NELL1: variants seen among roughly 807,000 people sequenced by gnomAD.
NELL1 encodes the protein neural EGFL like 1, also known as protein kinase C-binding protein NELL1.
NELL1 carries 76 observed loss-of-function variants against 107.4 expected under a neutral mutation model. The observed-to-expected ratio is 0.71, with a 90% confidence interval of 0.59 to 0.86. NELL1 has a LOEUF of 0.86. Among genes scored for constraint, NELL1 ranks in the 40% least tolerant of loss-of-function variants. The pLI is 0.00. For missense variants in NELL1, 1,024 were observed against 1,005.5 expected (o/e 1.02, Z -0.25); for synonymous variants, 353 against 341.2 (o/e 1.03, Z -0.38).
chr11:21,428,438 G>C (rs1273482598), intron 15 of NELL1, among the ~76,000 whole-genome samples: 1 of 152,088 alleles, frequency 6.6e-6, no homozygotes, highest in Non-Finnish European at 1.5e-5. Context: ...AGTTATTATT[G>C]TTACTTTTAT....
chr11:21,461,288 C>T (rs1853894398), intron 15 of NELL1, among the ~76,000 whole-genome samples: 1 of 152,034 alleles, frequency 6.6e-6, no homozygotes, highest in Non-Finnish European at 1.5e-5. Context: ...TTTGGACCCA[C>T]CACTTATTAG....
At chr11:20,987,054 C>T (rs935677258) in intron 12 of NELL1, among the ~76,000 whole-genome samples, 1 of 152,136 alleles carries the variant, frequency 6.6e-6, no homozygotes, top group East Asian at 1.9e-4. Context: ...TGGTACACCC[C>T]TGGCATATGG....
At chr11:21,242,145 T>A (rs1252334440) in intron 14 of NELL1, among the ~76,000 whole-genome samples, 2 of 152,026 alleles carry the variant, frequency 1.3e-5, no homozygotes, top group Non-Finnish European at 2.9e-5. Flanking sequence ...TAAAGATAAG[T>A]AAATGATGGT....
intron 12 of NELL1, among the ~76,000 whole-genome samples, chr11:21,098,875 G>A (rs1035188396): frequency 1.3e-5 from 2 of 151,876 alleles, no homozygotes; most frequent in African/African-American, 4.8e-5. Flanking sequence ...TCTAAAATTT[G>A]TTTGTAACTC....
At chr11:20,923,086 C>A (rs926124722) in intron 7 of NELL1, among the ~76,000 whole-genome samples, 20 of 152,048 alleles carry the variant, frequency 1.3e-4, no homozygotes, top group African/African-American at 4.3e-4. Flanking sequence ...CTGTCAAGAC[C>A]CTAGTCTAGG....
chr11:20,788,533 C>T (rs1364649420), intron 3 of NELL1, among the ~76,000 whole-genome samples: 1 of 151,742 alleles, frequency 6.6e-6, no homozygotes, highest in Non-Finnish European at 1.5e-5. Flanking sequence ...AATTTGCCCA[C>T]ATTTAATTGG....
At chr11:20,725,492 T>C (rs2133914760) in intron 2 of NELL1, among the ~76,000 whole-genome samples, 2 of 152,218 alleles carry the variant, frequency 1.3e-5, no homozygotes, top group Middle Eastern at 6.8e-3. Flanking sequence ...TGGATCACCG[T>C]GGGAATTGTG....
intron 16 of NELL1, among the ~76,000 whole-genome samples, chr11:21,543,284 T>C (rs1002440467): frequency 6.6e-6 from 1 of 152,094 alleles, no homozygotes; most frequent in Non-Finnish European, 1.5e-5. Context: ...TACTAAATTC[T>C]GTATTATTGA....
intron 13 of NELL1, among the ~76,000 whole-genome samples, chr11:21,166,223 G>T (rs1407759288): frequency 2.6e-5 from 4 of 151,638 alleles, no homozygotes; most frequent in Non-Finnish European, 2.9e-5. Context: ...GGATACCAGG[G>T]GCTGGGAAGG....
intron 12 of NELL1, among the ~76,000 whole-genome samples, chr11:20,968,008 C>T (rs1851420431): frequency 6.6e-6 from 1 of 152,114 alleles, no homozygotes; most frequent in Non-Finnish European, 1.5e-5. Context: ...CCTGGGAGGC[C>T]CTTCACTCAG....
chr11:21,184,507 T>G (rs1000489024), intron 13 of NELL1, among the ~76,000 whole-genome samples: 1 of 151,820 alleles, frequency 6.6e-6, no homozygotes, highest in African/African-American at 2.4e-5. Context: ...TGACCCCAAG[T>G]GATCCACCTG....
chr11:21,541,341 T>A (rs1262189542), intron 16 of NELL1, among the ~76,000 whole-genome samples: 1 of 152,084 alleles, frequency 6.6e-6, no homozygotes, highest in Non-Finnish European at 1.5e-5. Flanking sequence ...AGGATTTACT[T>A]CTCAGAGTAC....
At chr11:21,456,195 T>C (rs533972820) in intron 15 of NELL1, among the ~76,000 whole-genome samples, 1 of 152,266 alleles carries the variant, frequency 6.6e-6, no homozygotes, top group East Asian at 1.9e-4. Context: ...TTTTACTCTT[T>C]CTTCTTTTGC....
At chr11:21,052,661 G>A (rs892307206) in intron 12 of NELL1, among the ~76,000 whole-genome samples, 1 of 152,066 alleles carries the variant, frequency 6.6e-6, no homozygotes, top group African/African-American at 2.4e-5. Context: ...GAGAGTGAGT[G>A]GGCGAGAGGA....
chr11:20,948,100 T>A (rs1283773692), intron 11 of NELL1, among the ~76,000 whole-genome samples: 1 of 152,130 alleles, frequency 6.6e-6, no homozygotes, highest in Admixed American at 6.6e-5. Flanking sequence ...TGGAGAGCAG[T>A]GGTACGATCA....
At chr11:21,526,634 C>G (rs192603597) in intron 15 of NELL1, among the ~76,000 whole-genome samples, 1 of 152,210 alleles carries the variant, frequency 6.6e-6, no homozygotes, top group African/African-American at 2.4e-5. Context: ...GAAATCTAGG[C>G]GATGGTTCCC....
At chr11:21,574,339 A>G (rs1260296112) in intron 19 of NELL1, among the ~76,000 whole-genome samples, 1 of 151,792 alleles carries the variant, frequency 6.6e-6, no homozygotes, top group Non-Finnish European at 1.5e-5. Flanking sequence ...AAAAAGGTCC[A>G]TGGTCCCATC....
intron 2 of NELL1, among the ~76,000 whole-genome samples, chr11:20,772,300 G>T (rs992939572): frequency 1.3e-5 from 2 of 152,156 alleles, no homozygotes; most frequent in Non-Finnish European, 2.9e-5. Context: ...TGATGCTCTC[G>T]TGTTGGGGAC....
At chr11:21,163,272 C>G (rs924779535) in intron 13 of NELL1, among the ~76,000 whole-genome samples, 1 of 152,176 alleles carries the variant, frequency 6.6e-6, no homozygotes, top group African/African-American at 2.4e-5. Context: ...GTGCTAGGAT[C>G]TCATCCTTCA....
Sources: gnomAD v4.1 joint callset for allele counts (sites outside exome capture counted in the v4.1 genomes callset) on GRCh38, gnomAD v4.1.1 for gene constraint, MANE v1.5 for transcripts, NCBI Gene and HGNC (gene_info 2026-07-23, HGNC 2026-07-21) for gene names.